Variants in CTIF observed in about 807,000 individuals in gnomAD.
CTIF encodes the protein cap binding complex dependent translation initiation factor.
In CTIF, 21 loss-of-function variants were observed where a neutral mutation model predicts 66.0. The observed-to-expected ratio is 0.32, with a 90% CI of 0.23 to 0.46. The LOEUF (loss-of-function observed/expected upper bound fraction) is 0.46, where lower values mean the gene tolerates loss of function less well. Among genes scored for constraint, CTIF ranks in the 20% least tolerant of loss-of-function variants. CTIF has a pLI of 1.00. For synonymous variants in CTIF, 345 were observed against 326.4 expected, an observed-to-expected ratio of 1.06 and a Z score of -0.62; for missense variants, 739 against 812.7, an observed-to-expected ratio of 0.91 and a Z score of 1.10.
chr18:48,844,505 G>A (rs1190734382), intron 10 of CTIF, among the ~76,000 whole-genome samples: 2 of 152,206 alleles, frequency 1.3e-5, no homozygotes, highest in Non-Finnish European at 2.9e-5. Flanking sequence ...TACTTTGTAC[G>A]GGGTGGTTTG....
At chr18:48,818,178 C>A (rs1300408011) in intron 10 of CTIF, among the ~76,000 whole-genome samples, 4 of 152,198 alleles carry the variant, frequency 2.6e-5, no homozygotes, top group African/African-American at 9.7e-5. Context: ...TGGCTGCTGT[C>A]AGGGGAGAGA....
At chr18:48,687,633 C>T (rs944877771) in intron 6 of CTIF, among the ~76,000 whole-genome samples, 5 of 152,196 alleles carry the variant, frequency 3.3e-5, no homozygotes, top group Non-Finnish European at 7.3e-5. Flanking sequence ...GGCTCTTGTC[C>T]GACACCACCT....
At chr18:48,765,859 T>G (rs1330099643) in intron 9 of CTIF, among the ~76,000 whole-genome samples, 1 of 152,186 alleles carries the variant, frequency 6.6e-6, no homozygotes, top group African/African-American at 2.4e-5. Context: ...AATGTGGCCC[T>G]TTTATTAGTA....
intron 6 of CTIF, among the ~76,000 whole-genome samples, chr18:48,706,798 G>A (rs1242081664): frequency 2.0e-5 from 3 of 152,160 alleles, no homozygotes; most frequent in Admixed American, 6.5e-5. Context: ...TGTGTTCCAC[G>A]TGTACTCTGC....
Position 48,859,725 on chromosome 18 carries a change from C to T in CTIF, c.*166C>T, listed in dbSNP as rs779901555. The T allele has an allele frequency of 1.4e-5, 10 of 710,966 alleles. No individual in the cohort carries two copies. The Admixed American group carries it at 1.6e-4, about 12-fold the overall frequency. The allele number at this position is 710,966 out of a possible 1,614,324, so 44.0% of individuals were successfully genotyped here. On this transcript the variant is annotated 3_prime_UTR_variant, in exon 12 of 12. Coordinates refer to ENST00000256413, the MANE Select transcript of CTIF (RefSeq NM_014772.3). ...GAGCCAGACGGGGAAGGGAGCAAAT[C>T]CCTGAGAGGAGTGCCCCCGCACAAG...
chr18:48,545,010 G>C (rs993451913), intron 1 of CTIF, among the ~76,000 whole-genome samples: 2 of 152,212 alleles, frequency 1.3e-5, no homozygotes, highest in African/African-American at 4.8e-5. Flanking sequence ...GCAGCCACCT[G>C]CTCCGGCCTC....
chr18:48,778,366 G>A (rs1910883560), intron 9 of CTIF, among the ~76,000 whole-genome samples: 1 of 152,200 alleles, frequency 6.6e-6, no homozygotes, highest in Non-Finnish European at 1.5e-5. Flanking sequence ...TGCAGGGGAG[G>A]ATGTGAGCAG....
At chr18:48,612,802 G>C (rs1374661985) in intron 1 of CTIF, among the ~76,000 whole-genome samples, 1 of 152,146 alleles carries the variant, frequency 6.6e-6, no homozygotes, top group Non-Finnish European at 1.5e-5. Context: ...CCCCACCTGG[G>C]CCCCCTGCAG....
At chr18:48,653,033 G>T (rs933088561) in intron 3 of CTIF, among the ~76,000 whole-genome samples, 23 of 152,156 alleles carry the variant, frequency 1.5e-4, no homozygotes, top group African/African-American at 5.6e-4. Context: ...TACTGAATGG[G>T]CAAAAACTGG....
chr18:48,543,546 T>C (rs966737856), intron 1 of CTIF, among the ~76,000 whole-genome samples: 6 of 152,180 alleles, frequency 3.9e-5, no homozygotes, highest in African/African-American at 1.4e-4. Flanking sequence ...AGCATGCCTC[T>C]GACTTTGGAA....
chr18:48,681,247 C>G (rs906759080), intron 6 of CTIF, among the ~76,000 whole-genome samples: 36 of 152,222 alleles, frequency 2.4e-4, no homozygotes, highest in African/African-American at 8.4e-4. Flanking sequence ...GCTGGGGGGT[C>G]AGGCCCAGGA....
chr18:48,702,517 A>G (rs2092097467), intron 6 of CTIF, among the ~76,000 whole-genome samples: 1 of 152,174 alleles, frequency 6.6e-6, no homozygotes, highest in Admixed American at 6.5e-5. Flanking sequence ...GCTTTTCAGA[A>G]TGGGTAGAGT....
intron 10 of CTIF, among the ~76,000 whole-genome samples, chr18:48,842,271 C>G (rs1309588802): frequency 6.6e-6 from 1 of 152,042 alleles, no homozygotes; most frequent in African/African-American, 2.4e-5. Context: ...CTGAGTAGAA[C>G]GAGGGTGGTG....
At chr18:48,707,687 C>A (rs1462792777) in intron 6 of CTIF, among the ~76,000 whole-genome samples, 3 of 152,008 alleles carry the variant, frequency 2.0e-5, no homozygotes, top group African/African-American at 7.3e-5. Context: ...AATACACCAC[C>A]CCCAGATACT....
chr18:48,680,363 T>G (rs182386334), intron 6 of CTIF, among the ~76,000 whole-genome samples: 1 of 152,316 alleles, frequency 6.6e-6, no homozygotes, highest in Admixed American at 6.5e-5. Flanking sequence ...GACAGTAGGC[T>G]CAAAGAAGGC....
chr18:48,716,861 A>G (rs1259326293), intron 7 of CTIF, among the ~76,000 whole-genome samples: 1 of 152,170 alleles, frequency 6.6e-6, no homozygotes, highest in Non-Finnish European at 1.5e-5. Flanking sequence ...AGGTCTCGGA[A>G]TGGTTAATTT....
At chr18:48,812,887 T>G (rs1348448646) in intron 9 of CTIF, among the ~76,000 whole-genome samples, 1 of 152,216 alleles carries the variant, frequency 6.6e-6, no homozygotes, top group Admixed American at 6.5e-5. Context: ...ATTATTTATT[T>G]TCAGTGAGAA....
At chr18:48,685,135 C>T (rs1336903417) in intron 6 of CTIF, among the ~76,000 whole-genome samples, 2 of 150,160 alleles carry the variant, frequency 1.3e-5, no homozygotes, top group African/African-American at 4.9e-5. Flanking sequence ...ATGACCTTGA[C>T]ATTTTGAATA....
chr18:48,821,351 C>T (rs954480436), intron 10 of CTIF, among the ~76,000 whole-genome samples: 2 of 152,246 alleles, frequency 1.3e-5, no homozygotes, highest in East Asian at 3.8e-4. Context: ...TTAACTCAGA[C>T]AGCACTTTGA....
Sources: allele counts gnomAD v4.1 joint callset (sites outside exome capture counted in the v4.1 genomes callset), GRCh38; gene constraint gnomAD v4.1.1; transcripts MANE v1.5; gene names NCBI Gene and HGNC (gene_info 2026-07-23, HGNC 2026-07-21).